The following GSK3B variants were observed in gnomAD, a reference collection of about 807,000 sequenced individuals.
GSK3B encodes the protein glycogen synthase kinase-3 beta.
Under a neutral mutation model 56.4 loss-of-function variants are expected in GSK3B, and 15 were observed. The ratio of observed to expected loss-of-function variants is 0.27; its 90% confidence interval spans 0.18 to 0.41. GSK3B has a LOEUF of 0.41. Ranked by LOEUF, GSK3B falls within the 10% of genes least tolerant of loss-of-function variation. The pLI is 1.00. For synonymous variants in GSK3B, 181 were observed against 188.9 expected, an observed-to-expected ratio of 0.96 and a Z score of 0.34; for missense variants, 300 against 513.4, an observed-to-expected ratio of 0.58 and a Z score of 4.02.
intron 1 of GSK3B, among the ~76,000 whole-genome samples, chr3:120,067,518 T>C (rs1258337505): frequency 6.6e-6 from 1 of 152,182 alleles, no homozygotes; most frequent in African/African-American, 2.4e-5. Flanking sequence ...AAAGTTATTA[T>C]AAAGAATTTT....
chr3:119,833,839 C>T (rs980271736), intron 10 of GSK3B, among the ~76,000 whole-genome samples: 6 of 151,538 alleles, frequency 4.0e-5, no homozygotes, highest in Non-Finnish European at 7.4e-5. Flanking sequence ...TAAACAGGCA[C>T]GCACCACCAT....
At chr3:119,926,582 T>C (rs35731173) in intron 3 of GSK3B, among the ~76,000 whole-genome samples, 237 of 152,310 alleles carry the variant, frequency 1.6e-3, no homozygotes, top group African/African-American at 4.8e-3. Flanking sequence ...AGTTAGACTG[T>C]ATCTCTTCTA....
intron 1 of GSK3B, among the ~76,000 whole-genome samples, chr3:120,065,655 C>T (rs1374441371): frequency 3.3e-5 from 5 of 152,088 alleles, no homozygotes; most frequent in Non-Finnish European, 7.4e-5. Flanking sequence ...AAAACTTGTA[C>T]ACAAATGTTC....
chr3:119,864,635 C>T (rs2056152751), intron 8 of GSK3B, among the ~76,000 whole-genome samples: 1 of 152,216 alleles, frequency 6.6e-6, no homozygotes. Context: ...AAAGCCCACG[C>T]AGATTGTGAC....
intron 2 of GSK3B, among the ~76,000 whole-genome samples, chr3:119,981,844 C>A (rs1399417695): frequency 2.0e-5 from 3 of 152,208 alleles, no homozygotes; most frequent in Non-Finnish European, 4.4e-5. Flanking sequence ...AGCAGTGGTT[C>A]CTCCCAGCAC....
chr3:120,002,431 C>T (rs554979680), intron 1 of GSK3B, among the ~76,000 whole-genome samples, 192 bp from the exon 2 acceptor site: 8 of 152,038 alleles, frequency 5.3e-5, no homozygotes, highest in South Asian at 2.1e-4. Context: ...CTCCGTCTGC[C>T]GGGTTCAATC....
At chr3:120,024,941 TG>T (rs2057910621) in intron 1 of GSK3B, among the ~76,000 whole-genome samples, 1 of 152,202 alleles carries the variant, frequency 6.6e-6, no homozygotes, top group Non-Finnish European at 1.5e-5. Flanking sequence ...TGTATGATCC[TG>T]TTCACATGAA....
chr3:119,971,601 A>ATTTTTTTTTTT lies in GSK3B; in HGVS notation c.283-24261_283-24251dup, dbSNP rs751790636. Among the ~76,000 whole-genome samples the ATTTTTTTTTTT allele has an allele frequency of 2.0e-4, 17 of 83,854 alleles. 2 individuals carry two copies. The highest frequency in any genetic ancestry group is 1.4e-3 in the East Asian group (3 of 2,168). 55.0% of individuals were successfully genotyped at this position (83,854 alleles called of 152,430 possible). A position where few individuals can be genotyped will look rare whatever the true frequency, so the allele number is the denominator to read the frequency against. ...ATTGATACTTAAACTATTTGCAATAATTTTTTTTTTTTTTTTTTTTTTTTT... is the reference window on the plus strand; with the variant it reads ...ATTGATACTTAAACTATTTGCAATAATTTTTTTTTTTTTTTTTTTTTTTTTTTTTTTTTTTT... On this transcript the variant is annotated intron_variant, in intron 2 of 10. Coordinates refer to ENST00000264235, the MANE Select transcript of GSK3B (RefSeq NM_001146156.2).
chr3:119,852,501 C>T (rs1369925353), intron 9 of GSK3B, among the ~76,000 whole-genome samples: 1 of 152,026 alleles, frequency 6.6e-6, no homozygotes, highest in African/African-American at 2.4e-5. Flanking sequence ...GCACCCACCA[C>T]CACGCCTGGC....
chr3:119,846,659 G>A (rs1308505637), intron 9 of GSK3B, among the ~76,000 whole-genome samples: 2 of 152,150 alleles, frequency 1.3e-5, no homozygotes, highest in African/African-American at 4.8e-5. Flanking sequence ...GAGAGGATGT[G>A]GAGAAACAAG....
Position 119,904,507 on chromosome 3 carries a change from G to A in GSK3B, c.813+1248C>T, listed in dbSNP as rs770803539. 3.9e-5 allele frequency among the ~76,000 whole-genome samples: 6 copies of A among 152,132 alleles called. No homozygotes were observed. The East Asian group carries it at 1.2e-3, about 29-fold the overall frequency. The stretch of plus-strand genomic sequence containing the variant: ...AAAGAAGATCGCTTATTACACACTA[G>A]TCTTTTCAACCATACTTGCACACAC... On this transcript the variant is annotated intron_variant, in intron 7 of 10. Transcript: ENST00000264235.
At chr3:119,995,517 T>C (rs1472671544) in intron 2 of GSK3B, among the ~76,000 whole-genome samples, 1 of 151,358 alleles carries the variant, frequency 6.6e-6, no homozygotes, top group East Asian at 1.9e-4. Flanking sequence ...CAGGCTGGAG[T>C]GCAGTGGCGC....
chr3:119,958,205 C>T (rs997835900), intron 2 of GSK3B, among the ~76,000 whole-genome samples: 3 of 152,130 alleles, frequency 2.0e-5, no homozygotes, highest in South Asian at 4.1e-4. Context: ...CTTTCCCTTT[C>T]GCCATGACTG....
chr3:119,968,863 G>T (rs779442717), intron 2 of GSK3B, among the ~76,000 whole-genome samples: 3 of 152,154 alleles, frequency 2.0e-5, no homozygotes, highest in Non-Finnish European at 4.4e-5. Flanking sequence ...TAGTAAAGTT[G>T]CAGGATACAA....
At chr3:120,019,617 C>A (rs2057855822) in intron 1 of GSK3B, among the ~76,000 whole-genome samples, 1 of 152,170 alleles carries the variant, frequency 6.6e-6, no homozygotes, top group Non-Finnish European at 1.5e-5. Flanking sequence ...ACCTAAAATA[C>A]AATCTTAACC....
intron 10 of GSK3B, among the ~76,000 whole-genome samples, chr3:119,841,232 CTGTAACCTG>C (rs1397574654): frequency 6.6e-6 from 1 of 152,164 alleles, no homozygotes; most frequent in Non-Finnish European, 1.5e-5. Flanking sequence ...TTTCAGTTTG[CTGTAACCTG>C]TATCAAAACA....
intron 1 of GSK3B, among the ~76,000 whole-genome samples, chr3:120,016,108 A>C (rs1177325193): frequency 6.6e-6 from 1 of 152,158 alleles, no homozygotes; most frequent in Non-Finnish European, 1.5e-5. Context: ...CAAAACTGAG[A>C]TCTTAAGTTC....
chr3:120,072,884 T>C (rs2058337810), intron 1 of GSK3B, among the ~76,000 whole-genome samples: 2 of 152,176 alleles, frequency 1.3e-5, no homozygotes, highest in African/African-American at 2.4e-5. Flanking sequence ...AACTATGATA[T>C]GTTAACTGAA....
intron 2 of GSK3B, among the ~76,000 whole-genome samples, chr3:119,951,892 T>G (rs1380745465): frequency 6.6e-6 from 1 of 151,618 alleles, no homozygotes; most frequent in Admixed American, 6.6e-5. Context: ...TAACTAGAGT[T>G]GAAACACATT....
Sources: allele counts gnomAD v4.1 joint callset (sites outside exome capture counted in the v4.1 genomes callset), GRCh38; gene constraint gnomAD v4.1.1; transcripts MANE v1.5; gene names NCBI Gene and HGNC (gene_info 2026-07-23, HGNC 2026-07-21).